ANKRD30A: variants seen among roughly 807,000 people sequenced by gnomAD.
ANKRD30A encodes the protein ankyrin repeat domain 30A, also known as ankyrin repeat domain-containing protein 30A.
Under a neutral mutation model 166.3 loss-of-function variants are expected in ANKRD30A, and 170 were observed. The observed-to-expected ratio is 1.02, with a 90% CI of 0.90 to 1.16. The LOEUF (loss-of-function observed/expected upper bound fraction) is 1.16, where lower values mean the gene tolerates loss of function less well. ANKRD30A is among the 50% of genes most tolerant of loss of function. The probability of loss-of-function intolerance (pLI) is 0.00; values close to 1 mark genes in which losing one functional copy is unlikely to be tolerated. For synonymous variants in ANKRD30A, 564 were observed against 508.9 expected (o/e 1.11, Z -1.46); for missense variants, 1,630 against 1,518.0 (o/e 1.07, Z -1.23).
At chr10:37,162,515 A>G (rs1838998442) in intron 15 of ANKRD30A, 134 bp from the exon 16 acceptor site, 18 of 1,184,120 alleles carry the variant, frequency 1.5e-5, no homozygotes, top group Non-Finnish European at 2.2e-5. Context: ...AAACCAAAAG[A>G]AAACTTTCCA....
At position 37,231,550 on chromosome 10, in the gene ANKRD30A, A is replaced by T; in HGVS notation, c.*81A>T. 1.7e-6 allele frequency: 2 copies of T among 1,161,944 alleles called. No homozygotes were observed. The highest frequency in any genetic ancestry group is 2.4e-6 in the Non-Finnish European group (2 of 823,044). 72.0% of individuals were successfully genotyped at this position (1,161,944 alleles called of 1,614,324 possible). ...CAACTCATGCTAGGAGGCCAGTCCTAGCATCACCTTATGTTGAAAATCTTA... is the reference window on the plus strand; with the variant it reads ...CAACTCATGCTAGGAGGCCAGTCCTTGCATCACCTTATGTTGAAAATCTTA... On this transcript the variant is annotated 3_prime_UTR_variant, in exon 35 of 36. Transcript: ENST00000361713.
At chr10:37,245,529 G>A in the ANKRD30A span, among the ~76,000 whole-genome samples, 1 of 152,046 alleles carries the variant, frequency 6.6e-6, no homozygotes, top group South Asian at 2.1e-4. Context: ...TCTCTATGTA[G>A]ATAGTGGGTT....
At chr10:37,208,452 G>A (rs970295377) in intron 31 of ANKRD30A, among the ~76,000 whole-genome samples, 4 of 152,114 alleles carry the variant, frequency 2.6e-5, no homozygotes, top group African/African-American at 9.7e-5. Context: ...ATCCGCTTCT[G>A]CCACAGTACA....
intron 6 of ANKRD30A, among the ~76,000 whole-genome samples, chr10:37,137,098 CAG>C (rs939172669): frequency 9.3e-5 from 14 of 150,524 alleles, no homozygotes; most frequent in South Asian, 2.1e-4. Context: ...AGCTCAGTAA[CAG>C]GGGATGATCA....
intron 29 of ANKRD30A, among the ~76,000 whole-genome samples, chr10:37,198,646 A>G (rs1356410255): frequency 6.6e-6 from 1 of 152,086 alleles, no homozygotes; most frequent in Admixed American, 6.6e-5. Context: ...GTTCACTTCC[A>G]AAAATGAGTG....
intron 13 of ANKRD30A, among the ~76,000 whole-genome samples, chr10:37,155,837 T>C (rs1256430785): frequency 6.6e-6 from 1 of 152,118 alleles, no homozygotes; most frequent in Non-Finnish European, 1.5e-5. Context: ...ATTCCAGCAC[T>C]TTGGGAGGGC....
chr10:37,211,468 A>AT (rs1422868387), intron 31 of ANKRD30A, among the ~76,000 whole-genome samples: 2 of 151,786 alleles, frequency 1.3e-5, no homozygotes, highest in Non-Finnish European at 2.9e-5. Flanking sequence ...TGAACTCATC[A>AT]TTTTTTATGG....
chr10:37,134,778 A>T (rs1005003699), intron 5 of ANKRD30A, among the ~76,000 whole-genome samples: 1 of 152,196 alleles, frequency 6.6e-6, no homozygotes, highest in South Asian at 2.1e-4. Context: ...CCTTCAGGGT[A>T]AGTTATCCTT....
intron 15 of ANKRD30A, among the ~76,000 whole-genome samples, chr10:37,159,229 A>G (rs1466697372): frequency 6.6e-6 from 1 of 152,174 alleles, no homozygotes; most frequent in Non-Finnish European, 1.5e-5. Context: ...AAAACATTTT[A>G]CAACAGGCTG....
the ANKRD30A span, among the ~76,000 whole-genome samples, chr10:37,246,867 C>CA: frequency 6.6e-6 from 1 of 152,172 alleles, no homozygotes; most frequent in African/African-American, 2.4e-5. Context: ...ACCTCATCAT[C>CA]ATAGCACCCC....
chr10:37,126,086 T>C (rs1835990431), intron 1 of ANKRD30A, 78 bp downstream of exon 1: 1 of 1,426,442 alleles, frequency 7.0e-7, no homozygotes, highest in African/African-American at 1.4e-5. Flanking sequence ...AGTCGGGGGC[T>C]GGGGGGCCTG....
At chr10:37,258,249 C>G in the ANKRD30A span, among the ~76,000 whole-genome samples, 1 of 152,090 alleles carries the variant, frequency 6.6e-6, no homozygotes, top group Admixed American at 6.6e-5. Flanking sequence ...TGAATGCAAT[C>G]CTACTCAAAA....
intron 5 of ANKRD30A, chr10:37,135,458 T>G (rs1836622644): frequency 6.6e-6 from 1 of 152,178 alleles, no homozygotes; most frequent in Non-Finnish European, 1.5e-5. Flanking sequence ...CAAAAAATAT[T>G]TATGTAAGGT....
At chr10:37,129,800 G>C (rs1836265363) in intron 1 of ANKRD30A, 93 bp from the exon 2 acceptor site, 1 of 606,182 alleles carries the variant, frequency 1.6e-6, no homozygotes, top group Middle Eastern at 3.2e-4. Flanking sequence ...GGCAGAGAAA[G>C]AGCGTGGTAT....
chr10:37,191,655 A>G (rs1177424022), intron 25 of ANKRD30A, among the ~76,000 whole-genome samples: 1 of 152,006 alleles, frequency 6.6e-6, no homozygotes, highest in African/African-American at 2.4e-5. Flanking sequence ...GTCATTCTAC[A>G]GCAACTTTTT....
At chr10:37,143,472 G>C (rs1052206656) in intron 7 of ANKRD30A, among the ~76,000 whole-genome samples, 1 of 152,076 alleles carries the variant, frequency 6.6e-6, no homozygotes, top group African/African-American at 2.4e-5. Flanking sequence ...TGGCCAACAT[G>C]GTGAAACCTC....
chr10:37,200,080 G>A (rs1296995183), intron 30 of ANKRD30A, among the ~76,000 whole-genome samples: 2 of 151,986 alleles, frequency 1.3e-5, no homozygotes, highest in African/African-American at 4.8e-5. Context: ...TTGTCTAAAA[G>A]CAAAAGAATT....
chr10:37,263,724 C>T, the ANKRD30A span, among the ~76,000 whole-genome samples: 2 of 152,076 alleles, frequency 1.3e-5, no homozygotes, highest in Admixed American at 1.3e-4. Flanking sequence ...ACCTGTTGCG[C>T]ACCTCCTGCT....
intron 19 of ANKRD30A, among the ~76,000 whole-genome samples, chr10:37,166,999 C>G (rs1183091431): frequency 1.1e-4 from 16 of 151,898 alleles, no homozygotes; most frequent in Admixed American, 2.6e-4. Flanking sequence ...ACAGAGCATA[C>G]AGAGAGTACA....
Sources: gnomAD v4.1 joint callset for allele counts (sites outside exome capture counted in the v4.1 genomes callset) on GRCh38, gnomAD v4.1.1 for gene constraint, MANE v1.5 for transcripts, NCBI Gene and HGNC (gene_info 2026-07-23, HGNC 2026-07-21) for gene names.